HS3ST5: variants seen among roughly 807,000 people sequenced by gnomAD.
The protein encoded by HS3ST5 is heparan sulfate-glucosamine 3-sulfotransferase 5, also known as heparan sulfate glucosamine 3-O-sulfotransferase 5.
HS3ST5 carries 10 observed loss-of-function variants against 25.4 expected under a neutral mutation model. The ratio of observed to expected loss-of-function variants is 0.39; its 90% confidence interval spans 0.24 to 0.67. HS3ST5 has a LOEUF of 0.67. HS3ST5 is among the 30% of genes least tolerant of loss of function. HS3ST5 has a pLI of 0.44. For missense variants in HS3ST5, 324 were observed against 420.7 expected, an observed-to-expected ratio of 0.77 and a Z score of 2.01; for synonymous variants, 170 against 162.4, an observed-to-expected ratio of 1.05 and a Z score of -0.36.
At chr6:114,151,265 T>C (rs1186538744) in intron 3 of HS3ST5, among the ~76,000 whole-genome samples, 2 of 152,230 alleles carry the variant, frequency 1.3e-5, no homozygotes, top group Non-Finnish European at 2.9e-5. Context: ...GGGTTCTACT[T>C]AGAGATCAAA....
At chr6:114,327,523 T>C (rs1035345631) in intron 1 of HS3ST5, among the ~76,000 whole-genome samples, 1 of 152,246 alleles carries the variant, frequency 6.6e-6, no homozygotes, top group Non-Finnish European at 1.5e-5. Flanking sequence ...AATGGCAAAT[T>C]ACAAGATGGC....
At chr6:114,156,214 T>C (rs1411940648) in intron 3 of HS3ST5, among the ~76,000 whole-genome samples, 1 of 152,128 alleles carries the variant, frequency 6.6e-6, no homozygotes, top group African/African-American at 2.4e-5. Flanking sequence ...TTTCCCAAAT[T>C]AACAAAAAAT....
chr6:114,122,460 A>G (rs138848063), intron 3 of HS3ST5, among the ~76,000 whole-genome samples: 68 of 152,250 alleles, frequency 4.5e-4, no homozygotes, highest in African/African-American at 1.5e-3. Context: ...GCCAAGAGAG[A>G]AGGTATTTAT....
At chr6:114,153,497 C>A (rs983453000) in intron 3 of HS3ST5, among the ~76,000 whole-genome samples, 1 of 152,190 alleles carries the variant, frequency 6.6e-6, no homozygotes, top group Non-Finnish European at 1.5e-5. Flanking sequence ...TTGCTTCATG[C>A]TCATCTTCGT....
At position 114,083,781 on chromosome 6, in the gene HS3ST5, T is replaced by G. The variant is rs13219320; in HGVS notation, c.-32-20904A>C. ...TTGTCACCCCATTGAGTATTCCTCT[T>G]CTCCATTATCTCTATTATCTCCGCC... On this transcript the variant is annotated intron_variant, in intron 3 of 4. Transcript: ENST00000312719. 3.2e-3 allele frequency among the ~76,000 whole-genome samples: 483 copies of G among 152,294 alleles called. 1 individual carries two copies. The highest frequency in any genetic ancestry group is 6.8e-3 in the Middle Eastern group (2 of 294).
Position 114,216,291 on chromosome 6 carries a change from G to C in HS3ST5, c.-145+12294C>G, listed in dbSNP as rs781468667. Among the ~76,000 whole-genome samples, 36 of 152,316 alleles carry C rather than the reference G, an allele frequency of 2.4e-4. 1 individual carries two copies. Among genetic ancestry groups the C allele is most frequent in the Non-Finnish European group, 4.9e-4 (33 of 68,024 alleles). ...CCCTGTGACTTGTTAACTTGCAGCAGTCTCTTCTCAGCAATCTGGCAAAGC... is the reference window on the plus strand; with the variant it reads ...CCCTGTGACTTGTTAACTTGCAGCACTCTCTTCTCAGCAATCTGGCAAAGC... On this transcript the variant is annotated intron_variant, in intron 2 of 4. Transcript: ENST00000312719.
intron 2 of HS3ST5, among the ~76,000 whole-genome samples, chr6:114,219,936 T>C (rs1781955045): frequency 6.6e-6 from 1 of 152,102 alleles, no homozygotes; most frequent in Non-Finnish European, 1.5e-5. Flanking sequence ...AGAAAAACCA[T>C]GAAAACCTTG....
intron 3 of HS3ST5, among the ~76,000 whole-genome samples, chr6:114,161,277 G>T (rs1385006922): frequency 1.3e-5 from 2 of 151,082 alleles, no homozygotes; most frequent in African/African-American, 4.9e-5. Context: ...CAACTTAATG[G>T]ACTGACAACA....
At chr6:114,204,933 T>C (rs969558496) in intron 2 of HS3ST5, among the ~76,000 whole-genome samples, 1 of 152,140 alleles carries the variant, frequency 6.6e-6, no homozygotes, top group Non-Finnish European at 1.5e-5. Flanking sequence ...ACATGCCTGG[T>C]AGAAACATGA....
intron 1 of HS3ST5, among the ~76,000 whole-genome samples, chr6:114,282,699 C>T (rs1774169544): frequency 6.6e-6 from 1 of 152,002 alleles, no homozygotes; most frequent in Admixed American, 6.6e-5. Flanking sequence ...ATTTCTCTGT[C>T]TCCCTTTTTC....
chr6:114,155,092 G>T (rs780166234), intron 3 of HS3ST5, among the ~76,000 whole-genome samples: 1 of 152,154 alleles, frequency 6.6e-6, no homozygotes, highest in Non-Finnish European at 1.5e-5. Context: ...TGCTTGAGAC[G>T]TATTTGTTGA....
chr6:114,311,332 T>A (rs187734593), intron 1 of HS3ST5, among the ~76,000 whole-genome samples: 1 of 152,250 alleles, frequency 6.6e-6, no homozygotes, highest in Admixed American at 6.5e-5. Context: ...ATTGTATATT[T>A]GGAAGAATAT....
In HS3ST5 at chr6:114,289,646, A is replaced by G. The variant is rs73542388; in HGVS notation, c.-339+52549T>C. On this transcript the variant is annotated intron_variant, in intron 1 of 4. Coordinates refer to ENST00000312719, the MANE Select transcript of HS3ST5 (RefSeq NM_153612.4). ...ACTTGTGTTTTAGTTTGTTTCAGCT[A>G]AAGGACATTAATACTTGTTATCTAT... 5.3e-3 allele frequency among the ~76,000 whole-genome samples: 803 copies of G among 152,218 alleles called. 4 individuals are homozygous for G. Among genetic ancestry groups the G allele is most frequent in the African/African-American group, 0.018 (759 of 41,522 alleles).
chr6:114,333,424 G>T (rs1248122755), intron 1 of HS3ST5, among the ~76,000 whole-genome samples: 2 of 152,098 alleles, frequency 1.3e-5, no homozygotes, highest in Non-Finnish European at 2.9e-5. Context: ...TCAAGCACTT[G>T]ATCTTTTTGT....
chr6:114,310,803 G>A (rs1306939360), intron 1 of HS3ST5, among the ~76,000 whole-genome samples: 2 of 152,062 alleles, frequency 1.3e-5, no homozygotes, highest in Non-Finnish European at 2.9e-5. Flanking sequence ...ATTCCCCGAC[G>A]ATTTTCAATG....
intron 1 of HS3ST5, among the ~76,000 whole-genome samples, chr6:114,237,609 G>A (rs1266451494): frequency 2.0e-5 from 3 of 152,182 alleles, no homozygotes; most frequent in Non-Finnish European, 4.4e-5. Context: ...AGTTCCCCAT[G>A]TGATTTTAAT....
intron 1 of HS3ST5, among the ~76,000 whole-genome samples, chr6:114,240,163 G>A (rs968837195): frequency 3.3e-5 from 5 of 152,102 alleles, no homozygotes; most frequent in Admixed American, 2.0e-4. Context: ...TGTCTCTGTT[G>A]CCAAACTTCC....
Position 114,136,314 on chromosome 6 carries a change from T to G in HS3ST5, c.-33+32037A>C, listed in dbSNP as rs377002931. 9.1e-4 allele frequency among the ~76,000 whole-genome samples: 138 copies of G among 152,324 alleles called. 1 individual carries two copies. The highest frequency in any genetic ancestry group is 3.2e-3 in the African/African-American group (132 of 41,574). ...TTCTTGTGATAGTGAATAAGTCTCA[T>G]GAGATCTAATGGTTTTATAAAGAGC... On this transcript the variant is annotated intron_variant, in intron 3 of 4. Coordinates refer to ENST00000312719, the MANE Select transcript of HS3ST5 (RefSeq NM_153612.4).
At chr6:114,253,205 C>T (rs1008933153) in intron 1 of HS3ST5, among the ~76,000 whole-genome samples, 1 of 152,166 alleles carries the variant, frequency 6.6e-6, no homozygotes, top group Admixed American at 6.5e-5. Flanking sequence ...AAAAGAAACA[C>T]ATGAAATTAA....
Sources: gnomAD v4.1 joint callset for allele counts (sites outside exome capture counted in the v4.1 genomes callset) on GRCh38, gnomAD v4.1.1 for gene constraint, MANE v1.5 for transcripts, NCBI Gene and HGNC (gene_info 2026-07-23, HGNC 2026-07-21) for gene names.